The following CEACAM6 variants were observed in gnomAD, a reference collection of about 807,000 sequenced individuals.
CEACAM6 encodes CEA cell adhesion molecule 6, also known as cell adhesion molecule CEACAM6.
In CEACAM6, 21 loss-of-function variants were observed where a neutral mutation model predicts 32.4. The ratio of observed to expected loss-of-function variants is 0.65; its 90% CI spans 0.46 to 0.93. CEACAM6 has a LOEUF of 0.93. CEACAM6 is among the 40% of genes least tolerant of loss of function. CEACAM6 has a pLI of 0.00. For missense variants in CEACAM6, 406 were observed against 432.2 expected (o/e 0.94, Z 0.54); for synonymous variants, 184 against 174.4 (o/e 1.06, Z -0.43).
At chr19:41,769,261 T>G (rs1555822721) in intron 5 of CEACAM6, among the ~76,000 whole-genome samples, 3 of 152,182 alleles carry the variant, frequency 2.0e-5, no homozygotes, top group African/African-American at 7.2e-5. Flanking sequence ...ATTATTTTGA[T>G]TCTTCCTTCC....
At chr19:41,768,735 C>T (rs2122936874) in intron 5 of CEACAM6, among the ~76,000 whole-genome samples, 1 of 147,266 alleles carries the variant, frequency 6.8e-6, no homozygotes, top group South Asian at 2.2e-4. Flanking sequence ...GGGGCTGACC[C>T]CCCCACCTCC....
In CEACAM6 at chr19:41,770,822, C is replaced by A. The variant is rs1205219777; in HGVS notation, c.*61C>A. ...TATAGATTGGACCAGACCCTGAATT[C>A]TTCTAGCTCCTCCAATCCCATTTTA... is the stretch of plus-strand genomic sequence containing the variant. On this transcript the variant is annotated 3_prime_UTR_variant, in exon 6 of 6. Coordinates refer to ENST00000199764, the MANE Select transcript of CEACAM6 (RefSeq NM_002483.7). 6.5e-6 allele frequency: 1 copy of A among 153,058 alleles called. No individual in the cohort carries two copies. The highest frequency in any genetic ancestry group is 1.5e-5 in the Non-Finnish European group (1 of 68,550). The allele number at this position is 153,058 out of a possible 1,614,324, so 9.5% of individuals were successfully genotyped here. A position where few individuals can be genotyped will look rare whatever the true frequency, so the allele number is the denominator to read the frequency against.
In CEACAM6 at chr19:41,762,244, C is replaced by T. The variant is rs139065651; in HGVS notation, c.958+21C>T. On this transcript the variant is annotated intron_variant, in intron 4 of 5. Transcript: ENST00000199764. ...CTCTGGTAAGTGGATCCATGAAGCACTAGCATCACATTTTCAGGTGGAGTC... is the reference window on the plus strand; with the variant it reads ...CTCTGGTAAGTGGATCCATGAAGCATTAGCATCACATTTTCAGGTGGAGTC... 4,107 of 1,604,544 alleles carry T rather than the reference C, an allele frequency of 2.6e-3. 10 individuals carry two copies. The highest frequency in any genetic ancestry group is 3.8e-3 in the Admixed American group (226 of 59,420).
chr19:41,758,614 C>T (rs2072903721), intron 2 of CEACAM6, among the ~76,000 whole-genome samples: 1 of 152,164 alleles, frequency 6.6e-6, no homozygotes, highest in African/African-American at 2.4e-5. Flanking sequence ...CCTGGGGTCT[C>T]TGAGGTCACT....
Position 41,771,158 on chromosome 19 carries a change from C to A in CEACAM6, c.*397C>A, listed in dbSNP as rs1240944773. On this transcript the variant is annotated 3_prime_UTR_variant, in exon 6 of 6. Transcript: ENST00000199764. ...CAGGATGATGCTGTCATTAGTATTT[C>A]ACAAGAAGTAGCTTCAGAGGGTAAC... is the stretch of plus-strand genomic sequence containing the variant. The A allele has an allele frequency of 6.6e-6, 1 of 152,214 alleles. No homozygotes were observed. Among genetic ancestry groups the A allele is most frequent in the Non-Finnish European group, 1.5e-5 (1 of 68,046 alleles). The allele number at this position is 152,214 out of a possible 1,614,324, so 9.4% of individuals were successfully genotyped here.
At chr19:41,764,996 G>A (rs1383264739) in intron 4 of CEACAM6, among the ~76,000 whole-genome samples, 2 of 152,200 alleles carry the variant, frequency 1.3e-5, no homozygotes, top group African/African-American at 4.8e-5. Context: ...CTGTTTCATA[G>A]TATCGTTTTG....
intron 2 of CEACAM6, among the ~76,000 whole-genome samples, chr19:41,758,885 C>T (rs567366249): frequency 2.4e-4 from 36 of 152,318 alleles, no homozygotes; most frequent in Admixed American, 9.8e-4. Context: ...GGCTCCATCA[C>T]GAGCCAATGT....
At chr19:41,768,629 G>T (rs1377095279) in intron 5 of CEACAM6, among the ~76,000 whole-genome samples, 1 of 152,146 alleles carries the variant, frequency 6.6e-6, no homozygotes, top group Non-Finnish European at 1.5e-5. Context: ...CCTCCCAGAC[G>T]GGGTGGTGGC....
At chr19:41,759,471 T>G (rs1173008581) in intron 2 of CEACAM6, among the ~76,000 whole-genome samples, 1 of 152,240 alleles carries the variant, frequency 6.6e-6, no homozygotes, top group African/African-American at 2.4e-5. Flanking sequence ...TTGCTTCTAA[T>G]TTGGCATCGT....
chr19:41,770,253 T>TCCAA (rs1555822848), intron 5 of CEACAM6, among the ~76,000 whole-genome samples: 3 of 30,612 alleles, frequency 9.8e-5, no homozygotes, highest in Admixed American at 3.5e-4. Context: ...CTGCTAAAAA[T>TCCAA]ACAAAAAAAA....
Position 41,761,543 on chromosome 19 carries a change from T to A in CEACAM6, c.703+16T>A, listed in dbSNP as rs2122919342. 1 of 1,612,436 alleles carries A rather than the reference T, an allele frequency of 6.2e-7. No homozygotes were observed. Among genetic ancestry groups the A allele is most frequent in the South Asian group, 1.1e-5 (1 of 90,918 alleles). Reference sequence around the variant, plus strand: ...AATGTCCTCTGTGAGTATCTTCTGTTCCTCTGTGGCCCAGGCTGCCAGCCC... The same window carrying A: ...AATGTCCTCTGTGAGTATCTTCTGTACCTCTGTGGCCCAGGCTGCCAGCCC... On this transcript the variant is annotated intron_variant, in intron 3 of 5. Transcript: ENST00000199764.
At chr19:41,769,135 G>T (rs1555822707) in intron 5 of CEACAM6, among the ~76,000 whole-genome samples, 1 of 152,052 alleles carries the variant, frequency 6.6e-6, no homozygotes, top group East Asian at 1.9e-4. Context: ...AGTAGAGACG[G>T]GGTTTCTCCA....
intron 2 of CEACAM6, 84 bp from the exon 3 acceptor site, chr19:41,761,165 A>G (rs990979066): frequency 2.5e-6 from 4 of 1,598,162 alleles, no homozygotes; most frequent in Admixed American, 3.4e-5. Context: ...CTGAGAGGTG[A>G]GAGATGCCAA....
In CEACAM6 at chr19:41,755,616, G is replaced by A; in HGVS notation, c.-23G>A. Reference sequence around the variant, plus strand: ...AGCTCAAGCTCCTCTACAAAGAGGTGGACAGAGAAGACAGCAGAGACCATG... The same window carrying A: ...AGCTCAAGCTCCTCTACAAAGAGGTAGACAGAGAAGACAGCAGAGACCATG... On this transcript the variant is annotated 5_prime_UTR_variant, in exon 1 of 6. Coordinates refer to ENST00000199764, the MANE Select transcript of CEACAM6 (RefSeq NM_002483.7). 6.2e-7 allele frequency: 1 copy of A among 1,611,536 alleles called. No individual in the cohort carries two copies. The highest frequency in any genetic ancestry group is 8.5e-7 in the Non-Finnish European group (1 of 1,178,308).
chr19:41,761,091 A>C (rs1724921122), intron 2 of CEACAM6, among the ~76,000 whole-genome samples, 158 bp from the exon 3 acceptor site: 1 of 152,204 alleles, frequency 6.6e-6, no homozygotes, highest in Non-Finnish European at 1.5e-5. Context: ...CTCAGCCCTC[A>C]AATCATCGTG....
rs548017775 is a variant in CEACAM6, at chr19:41,756,422, G to C, written c.65-178G>C. 2.0e-5 allele frequency among the ~76,000 whole-genome samples: 3 copies of C among 150,892 alleles called. No homozygotes were observed. In the South Asian group the frequency reaches 6.3e-4, roughly 32 times the overall value. On this transcript the variant is annotated intron_variant, in intron 1 of 5. Transcript: ENST00000199764. Reference sequence around the variant, plus strand: ...AAGGTCAAAGGTGCTGAAGGAATGGGGGTGTCACACTGCTGACTTTGACTC... The same window carrying C: ...AAGGTCAAAGGTGCTGAAGGAATGGCGGTGTCACACTGCTGACTTTGACTC...
At chr19:41,761,824 C>A in intron 3 of CEACAM6, 145 bp from the exon 4 acceptor site, 1 of 1,104,018 alleles carries the variant, frequency 9.1e-7, no homozygotes, top group Non-Finnish European at 1.3e-6. Context: ...ATGTCTCAGA[C>A]TTTGGCTCAG....
rs782141409 is a variant in CEACAM6 at position 41,756,623 on chromosome 19, C to T, written c.88C>T (p.Pro30Ser). 2.5e-6 allele frequency: 4 copies of T among 1,613,912 alleles called. No individual in the cohort carries two copies. Among genetic ancestry groups the T allele is most frequent in the South Asian group, 1.1e-5 (1 of 91,062 alleles). ...AGCCTCACTTCTAACCTTCTGGAACCCACCCACCACTGCCAAGCTCACTAT... is the reference window on the plus strand; with the variant it reads ...AGCCTCACTTCTAACCTTCTGGAACTCACCCACCACTGCCAAGCTCACTAT... ...LTASLLTFWN[P>S]PTTAKLTIES... is the part of the protein sequence containing the mutation. The change falls in exon 2 of 6, where the codon CCA becomes TCA. Residue 30 changes from proline to serine, a missense_variant. Coordinates refer to ENST00000199764, the MANE Select transcript of CEACAM6 (RefSeq NM_002483.7).
At position 41,756,512 on chromosome 19, in the gene CEACAM6, G is replaced by T. The variant is rs111905584; in HGVS notation, c.65-88G>T. 13,784 of 1,533,288 alleles carry T rather than the reference G, an allele frequency of 9.0e-3. 342 individuals carry two copies. The highest frequency in any genetic ancestry group is 0.085 in the African/African-American group (6,149 of 72,088). 95.0% of individuals were successfully genotyped at this position (1,533,288 alleles called of 1,614,324 possible). A position where few individuals can be genotyped will look rare whatever the true frequency, so the allele number is the denominator to read the frequency against. On this transcript the variant is annotated intron_variant, in intron 1 of 5. Transcript: ENST00000199764. Reference sequence around the variant, plus strand: ...CACACACGCTCCAACGTGGAGGGGTGAAGAGACCTGCTCAGGACCCAGGGC... The same window carrying T: ...CACACACGCTCCAACGTGGAGGGGTTAAGAGACCTGCTCAGGACCCAGGGC...
Sources: gnomAD v4.1 joint callset for allele counts (sites outside exome capture counted in the v4.1 genomes callset) on GRCh38, gnomAD v4.1.1 for gene constraint, MANE v1.5 for transcripts, NCBI Gene and HGNC (gene_info 2026-07-23, HGNC 2026-07-21) for gene names.